COG5: variants seen among roughly 807,000 people sequenced by gnomAD.
COG5 encodes component of oligomeric golgi complex 5, also known as conserved oligomeric Golgi complex subunit 5.
A neutral mutation model predicts 110.4 loss-of-function variants in COG5; 86 were observed. The ratio of observed to expected loss-of-function variants is 0.78; its 90% CI spans 0.65 to 0.93. The LOEUF is 0.93. Ranked by LOEUF, COG5 falls within the 40% of genes least tolerant of loss-of-function variation. The probability of loss-of-function intolerance (pLI) is 0.00; values close to 1 mark genes in which losing one functional copy is unlikely to be tolerated. For synonymous variants in COG5, 360 were observed against 334.6 expected, an observed-to-expected ratio of 1.08 and a Z score of -0.83; for missense variants, 1,077 against 987.0, an observed-to-expected ratio of 1.09 and a Z score of -1.22.
At chr7:107,398,386 C>A (rs922478544) in intron 7 of COG5, among the ~76,000 whole-genome samples, 2 of 152,178 alleles carry the variant, frequency 1.3e-5, no homozygotes, top group Non-Finnish European at 2.9e-5. Context: ...AGGAGGTGAG[C>A]GGCAGGGCAG....
intron 8 of COG5, 123 bp from the exon 9 acceptor site, chr7:107,362,543 T>A: frequency 1.5e-6 from 1 of 687,740 alleles, no homozygotes; most frequent in African/African-American, 1.8e-5. Flanking sequence ...TAGGAAATAA[T>A]TTATTGAGTA....
chr7:107,563,142 T>C lies in COG5; in HGVS notation c.94+661A>G, dbSNP rs547790121. ...CACAACTGAATATGCTTTTCAAGTATATTATATCTAACTTTTCTTATTTTG... is the reference window on the plus strand; with the variant it reads ...CACAACTGAATATGCTTTTCAAGTACATTATATCTAACTTTTCTTATTTTG... On this transcript the variant is annotated intron_variant, in intron 1 of 21. Coordinates refer to ENST00000297135, the MANE Select transcript of COG5 (RefSeq NM_006348.5). Among the ~76,000 whole-genome samples the C allele has an allele frequency of 8.5e-5, 13 of 152,288 alleles. No individual in the cohort carries two copies. The East Asian group carries it at 2.5e-3, about 29-fold the overall frequency.
intron 21 of COG5, chr7:107,207,837 G>A: frequency 1.0e-6 from 1 of 985,450 alleles, no homozygotes; most frequent in Non-Finnish European, 1.2e-6. Context: ...GAAGAAAACA[G>A]GAAGGCAGGA....
In COG5 at chr7:107,474,939, C is replaced by A; in HGVS notation, c.538+52298G>T. On this transcript the variant is annotated intron_variant, in intron 6 of 21. Transcript: ENST00000297135. The surrounding 1 kb of genome is among the most constrained non-coding windows in gnomAD (Gnocchi z 5.7). Reference sequence around the variant, plus strand: ...GAACTTCAGTTTCTGTAATAATTGCCCTCCGGCGAGCTGTGAAACGACACC... The same window carrying A: ...GAACTTCAGTTTCTGTAATAATTGCACTCCGGCGAGCTGTGAAACGACACC... 6.2e-7 allele frequency: 1 copy of A among 1,612,508 alleles called. No homozygotes were observed. The highest frequency in any genetic ancestry group is 8.5e-7 in the Non-Finnish European group (1 of 1,179,284).
At chr7:107,270,882 C>CTTCTTT (rs1804209746) in intron 14 of COG5, among the ~76,000 whole-genome samples, 1 of 68,726 alleles carries the variant, frequency 1.5e-5, no homozygotes, top group Non-Finnish European at 2.6e-5. Context: ...CTAACTAGAA[C>CTTCTTT]TTTTTTTTTT....
chr7:107,292,013 C>T (rs1257132585), intron 12 of COG5, among the ~76,000 whole-genome samples: 2 of 151,990 alleles, frequency 1.3e-5, no homozygotes, highest in East Asian at 3.9e-4. Flanking sequence ...TTTCCCCTTC[C>T]TCCTCTCCTT....
chr7:107,527,433 C>G, intron 5 of COG5, 76 bp from the exon 6 acceptor site: 1 of 1,526,070 alleles, frequency 6.6e-7, no homozygotes, highest in East Asian at 2.3e-5. Flanking sequence ...ATAACAAGCA[C>G]AGTGGGTTGA....
At chr7:107,391,279 A>G (rs1420885186) in intron 7 of COG5, among the ~76,000 whole-genome samples, 3 of 152,198 alleles carry the variant, frequency 2.0e-5, no homozygotes, top group Non-Finnish European at 2.9e-5. Context: ...ACTGAAAAGC[A>G]TAATATCTGT....
intron 19 of COG5, among the ~76,000 whole-genome samples, chr7:107,222,458 C>A (rs952840108): frequency 1.3e-4 from 20 of 152,192 alleles, no homozygotes; most frequent in African/African-American, 4.8e-4. Flanking sequence ...CCCACCTCGG[C>A]CTTCCAAAGT....
Position 107,516,414 on chromosome 7 carries a change from G to C in COG5, c.538+10823C>G, listed in dbSNP as rs373769250. ...AATATTTTCTCCTTGTCCACAGTTT[G>C]TCTTTTTATTCTCGTAACAGTATCA... On this transcript the variant is annotated intron_variant, in intron 6 of 21. Coordinates refer to ENST00000297135, the MANE Select transcript of COG5 (RefSeq NM_006348.5). Among the ~76,000 whole-genome samples the C allele has an allele frequency of 1.1e-4, 17 of 152,272 alleles. No homozygotes were observed. In the East Asian group the frequency reaches 3.3e-3, roughly 29 times the overall value.
chr7:107,275,876 G>A (rs566535422), intron 14 of COG5, among the ~76,000 whole-genome samples: 1 of 152,080 alleles, frequency 6.6e-6, no homozygotes, highest in African/African-American at 2.4e-5. Context: ...GAGCTCATAT[G>A]TCTCTATACC....
Position 107,285,207 on chromosome 7 carries a change from G to T in COG5, c.1314-1475C>A, listed in dbSNP as rs554673606. On this transcript the variant is annotated intron_variant, in intron 12 of 21. Transcript: ENST00000297135. ...TAAAATGCTAATTATAATAATTTCT[G>T]TAATAGATGAAGATACCAAGACCAT... Among the ~76,000 whole-genome samples the T allele has an allele frequency of 2.0e-5, 3 of 152,286 alleles. No individual in the cohort carries two copies. In the East Asian group the frequency reaches 5.8e-4, roughly 29 times the overall value.
At chr7:107,398,536 C>A (rs1448163491) in intron 7 of COG5, among the ~76,000 whole-genome samples, 1 of 152,178 alleles carries the variant, frequency 6.6e-6, no homozygotes, top group African/African-American at 2.4e-5. Context: ...TGCTGATGAT[C>A]TGAGGCGAAC....
chr7:107,487,579 ATTT>A (rs1797723357), intron 6 of COG5, among the ~76,000 whole-genome samples: 1 of 152,132 alleles, frequency 6.6e-6, no homozygotes, highest in Admixed American at 6.6e-5. Flanking sequence ...CACAAAATAT[ATTT>A]TATTTTGAAA....
intron 7 of COG5, among the ~76,000 whole-genome samples, chr7:107,408,241 A>C (rs1256755311): frequency 6.6e-6 from 1 of 152,238 alleles, no homozygotes; most frequent in East Asian, 1.9e-4. Context: ...TCAACAGCAG[A>C]GTTCAGTAGT....
intron 14 of COG5, among the ~76,000 whole-genome samples, chr7:107,277,275 G>A (rs967899850): frequency 6.6e-6 from 1 of 152,160 alleles, no homozygotes; most frequent in African/African-American, 2.4e-5. Flanking sequence ...CAGAAATAAA[G>A]TATTAAAGGT....
intron 19 of COG5, among the ~76,000 whole-genome samples, chr7:107,214,710 C>A (rs1799399194): frequency 6.6e-6 from 1 of 151,954 alleles, no homozygotes. Context: ...TCACTTTGGG[C>A]CAGAAGTTCC....
Position 107,554,276 on chromosome 7 carries a change from G to C in COG5, c.292+9C>G. On this transcript the variant is annotated intron_variant, in intron 3 of 21. Coordinates refer to ENST00000297135, the MANE Select transcript of COG5 (RefSeq NM_006348.5). ...TCTACATAATCTCTAGCAGTTATTA[G>C]AAATATACCTTCCAACGACTCAATC... The C allele has an allele frequency of 6.2e-7, 1 of 1,612,622 alleles. No homozygotes were observed. The highest frequency in any genetic ancestry group is 8.5e-7 in the Non-Finnish European group (1 of 1,178,688).
At chr7:107,518,544 A>G (rs924532777) in intron 6 of COG5, among the ~76,000 whole-genome samples, 5 of 152,124 alleles carry the variant, frequency 3.3e-5, no homozygotes, top group African/African-American at 1.2e-4. Flanking sequence ...AAACCAACAA[A>G]GATCAAAAAA....
Sources: gnomAD v4.1 joint callset for allele counts (sites outside exome capture counted in the v4.1 genomes callset) on GRCh38, gnomAD v4.1.1 for gene constraint, Gnocchi (gnomAD v3.1) non-coding constraint, MANE v1.5 for transcripts, NCBI Gene and HGNC (gene_info 2026-07-23, HGNC 2026-07-21) for gene names.